The following SNRK variants were observed in gnomAD, a reference collection of about 807,000 sequenced individuals.
SNRK encodes the protein SNF-related serine/threonine-protein kinase.
A neutral mutation model predicts 48.2 loss-of-function variants in SNRK; 3 were observed. The observed-to-expected ratio is 0.06, with a 90% CI of 0.03 to 0.16. The LOEUF (loss-of-function observed/expected upper bound fraction) is 0.16, where lower values mean the gene tolerates loss of function less well. Among genes scored for constraint, SNRK ranks in the 10% least tolerant of loss-of-function variants. SNRK has a pLI of 1.00. For missense variants in SNRK, 627 were observed against 976.0 expected (o/e 0.64, Z 4.76); for synonymous variants, 376 against 366.1 (o/e 1.03, Z -0.31).
At chr3:43,344,516 G>A (rs1204357366) in intron 6 of SNRK, among the ~76,000 whole-genome samples, 1 of 152,158 alleles carries the variant, frequency 6.6e-6, no homozygotes, top group Non-Finnish European at 1.5e-5. Context: ...CTTGCAGTTG[G>A]CTCGCCATGT....
At chr3:43,312,303 ACT>A (rs1380683879) in intron 3 of SNRK, among the ~76,000 whole-genome samples, 1 of 152,100 alleles carries the variant, frequency 6.6e-6, no homozygotes, top group East Asian at 1.9e-4. Flanking sequence ...GCCTATATAC[ACT>A]CTCTACAACA....
chr3:43,295,923 G>C (rs1575530795), intron 1 of SNRK, among the ~76,000 whole-genome samples: 2 of 152,164 alleles, frequency 1.3e-5, no homozygotes, highest in East Asian at 3.9e-4. Flanking sequence ...ATTTTTAATA[G>C]AGATGGGGTT....
chr3:43,347,747 C>T lies in SNRK; in HGVS notation c.1488C>T (p.Asp496=), dbSNP rs2036617. 5.1e-3 allele frequency: 8,227 copies of T among 1,614,040 alleles called. 325 individuals are homozygous for T. The African/African-American group carries it at 0.087, about 17-fold the overall frequency. The change falls in exon 7 of 7, where the codon GAC becomes GAT. Residue 496 remains aspartate (D), a synonymous_variant. Coordinates refer to ENST00000296088, the MANE Select transcript of SNRK (RefSeq NM_017719.5). This position sits in a 1 kb window ranked among gnomAD's most constrained non-coding sequence, Gnocchi z 5.4. The stretch of plus-strand genomic sequence containing the variant: ...AGATCTTTGAGGAAGGGGAATCTGA[C>T]GATGAGTTTGACATGGATGAGAATC... The part of the protein sequence containing the change: ...LNQIFEEGES[D]DEFDMDENLP...
At chr3:43,288,167 A>C (rs2090780722) in intron 1 of SNRK, among the ~76,000 whole-genome samples, 1 of 152,042 alleles carries the variant, frequency 6.6e-6, no homozygotes, top group Admixed American at 6.5e-5. Flanking sequence ...TCAGGTGCAC[A>C]GTGCTAACTT....
At chr3:43,311,250 A>T (rs752068285) in intron 3 of SNRK, among the ~76,000 whole-genome samples, 20 of 152,104 alleles carry the variant, frequency 1.3e-4, no homozygotes, top group Admixed American at 3.9e-4. Flanking sequence ...TAAGGTAGGA[A>T]ATTAGTCCTC....
At position 43,348,623 on chromosome 3, in the gene SNRK, G is replaced by GT. The variant is rs2091298889; in HGVS notation, c.*68dup. 4.2e-6 allele frequency: 6 copies of GT among 1,416,224 alleles called. No individual in the cohort carries two copies. The highest frequency in any genetic ancestry group is 3.1e-5 in the Admixed American group (1 of 32,010). The allele number at this position is 1,416,224 out of a possible 1,614,324, so 87.7% of individuals were successfully genotyped here. Reference sequence around the variant, plus strand: ...GCAGTGAAGACCGGCTCACTTCACTGTTCCATTTGGTTTTACTATTTTAAA... The same window carrying GT: ...GCAGTGAAGACCGGCTCACTTCACTGTTTCCATTTGGTTTTACTATTTTAAA... On this transcript the variant is annotated 3_prime_UTR_variant, in exon 7 of 7. Coordinates refer to ENST00000296088, the MANE Select transcript of SNRK (RefSeq NM_017719.5).
Position 43,347,330 on chromosome 3 carries a change from G to A in SNRK, c.1080-9G>A. 1 of 1,547,022 alleles carries A rather than the reference G, an allele frequency of 6.5e-7. No homozygotes were observed. The highest frequency in any genetic ancestry group is 8.7e-7 in the Non-Finnish European group (1 of 1,147,484). On this transcript the variant is annotated splice_polypyrimidine_tract_variant and intron_variant, in intron 6 of 6. Coordinates refer to ENST00000296088, the MANE Select transcript of SNRK (RefSeq NM_017719.5). This position sits in a 1 kb window ranked among gnomAD's most constrained non-coding sequence, Gnocchi z 5.4. The stretch of plus-strand genomic sequence containing the variant: ...TGGCTTTTTTCCCCCCAATCTATCT[G>A]TTACATAGGCAGTCATGGCCAACCA...
In SNRK at chr3:43,347,606, AGAG is replaced by A; in HGVS notation, c.1350_1352del (p.Glu451del). On this transcript the variant is annotated inframe_deletion, in exon 7 of 7. Coordinates refer to ENST00000296088, the MANE Select transcript of SNRK (RefSeq NM_017719.5). This position sits in a 1 kb window ranked among gnomAD's most constrained non-coding sequence, Gnocchi z 5.4. ...GTCTGTTCAGGGTGGAAGAAGATGA[AGAG>A]GAAGATGAGGAGGACAAGAAACCCA... The A allele has an allele frequency of 1.2e-6, 2 of 1,614,008 alleles. No individual in the cohort carries two copies. Among genetic ancestry groups the A allele is most frequent in the Non-Finnish European group, 1.7e-6 (2 of 1,180,012 alleles).
intron 6 of SNRK, among the ~76,000 whole-genome samples, chr3:43,345,962 T>C (rs778604381): frequency 6.6e-6 from 1 of 152,204 alleles, no homozygotes; most frequent in Non-Finnish European, 1.5e-5. Context: ...TTGAGAACTC[T>C]TAGGACTGAC....
chr3:43,316,913 T>C (rs1233459289), intron 3 of SNRK, among the ~76,000 whole-genome samples: 1 of 152,176 alleles, frequency 6.6e-6, no homozygotes, highest in Non-Finnish European at 1.5e-5. Flanking sequence ...CAGGTCAGAT[T>C]ACCACACCGC....
chr3:43,324,045 A>G (rs2091075297), intron 3 of SNRK, among the ~76,000 whole-genome samples: 1 of 152,202 alleles, frequency 6.6e-6, no homozygotes, highest in Admixed American at 6.5e-5. Context: ...ATGCACCCTA[A>G]AAATGGTGAA....
At chr3:43,343,279 A>AAAAC in intron 5 of SNRK, 65 bp from the exon 6 acceptor site, 1 of 1,514,382 alleles carries the variant, frequency 6.6e-7, no homozygotes, top group Non-Finnish European at 8.8e-7. Flanking sequence ...TTAAAAATCA[A>AAAAC]TTCTGCTTCT....
chr3:43,304,930 G>A (rs2090925798), intron 3 of SNRK, among the ~76,000 whole-genome samples: 5 of 152,090 alleles, frequency 3.3e-5, no homozygotes, highest in African/African-American at 9.6e-5. Context: ...ATATCTGAGC[G>A]GAGATTTTTG....
chr3:43,347,159 C>A lies in SNRK; in HGVS notation c.1080-180C>A. ...CCACAAACTGAACCATGTTTCAAAA[C>A]CACATTTGCCCTTCTGGTGGCCTTG... On this transcript the variant is annotated intron_variant, in intron 6 of 6. Transcript: ENST00000296088. This position sits in a 1 kb window ranked among gnomAD's most constrained non-coding sequence, Gnocchi z 5.4. 1 of 564,948 alleles carries A rather than the reference C, an allele frequency of 1.8e-6. No homozygotes were observed. The highest frequency in any genetic ancestry group is 3.6e-5 in the South Asian group (1 of 27,874). 35.0% of individuals were successfully genotyped at this position (564,948 alleles called of 1,614,324 possible).
intron 3 of SNRK, among the ~76,000 whole-genome samples, chr3:43,308,055 C>T (rs1248759968): frequency 6.6e-6 from 1 of 152,178 alleles, no homozygotes; most frequent in African/African-American, 2.4e-5. Flanking sequence ...TAACTAGCCA[C>T]AATATTCCCT....
At chr3:43,334,118 C>T (rs1379679372) in intron 4 of SNRK, among the ~76,000 whole-genome samples, 4 of 151,634 alleles carry the variant, frequency 2.6e-5, no homozygotes, top group Non-Finnish European at 5.9e-5. Flanking sequence ...TGCACTCCAG[C>T]CTGGGCGACA....
intron 6 of SNRK, among the ~76,000 whole-genome samples, chr3:43,346,605 G>A (rs1233210394): frequency 6.6e-6 from 1 of 152,208 alleles, no homozygotes; most frequent in Non-Finnish European, 1.5e-5. Context: ...GGCTGGCACG[G>A]TGGTGTGCGC....
At chr3:43,301,879 G>T (rs2090900452) in intron 2 of SNRK, among the ~76,000 whole-genome samples, 1 of 152,134 alleles carries the variant, frequency 6.6e-6, no homozygotes, top group African/African-American at 2.4e-5. Context: ...AAAAGTGAGG[G>T]TTCAGCCTGT....
chr3:43,298,131 A>G (rs1460354644), intron 1 of SNRK, among the ~76,000 whole-genome samples: 3 of 152,304 alleles, frequency 2.0e-5, no homozygotes, highest in Middle Eastern at 3.4e-3. Context: ...GATCCTCACC[A>G]TATCTTATGA....
Sources: gnomAD v4.1 joint callset for allele counts (sites outside exome capture counted in the v4.1 genomes callset) on GRCh38, gnomAD v4.1.1 for gene constraint, Gnocchi (gnomAD v3.1) non-coding constraint, MANE v1.5 for transcripts, NCBI Gene and HGNC (gene_info 2026-07-23, HGNC 2026-07-21) for gene names.